The following LRRC4C variants were observed in gnomAD, a reference collection of about 807,000 sequenced individuals.
LRRC4C encodes the protein leucine-rich repeat-containing protein 4C.
In LRRC4C, 5 loss-of-function variants were observed where a neutral mutation model predicts 33.6. The ratio of observed to expected loss-of-function variants is 0.15; its 90% CI spans 0.08 to 0.31. LRRC4C has a LOEUF of 0.31. Ranked by LOEUF, LRRC4C falls within the 10% of genes least tolerant of loss-of-function variation. LRRC4C has a pLI of 1.00. For missense variants in LRRC4C, 560 were observed against 796.7 expected (o/e 0.70, Z 3.58); for synonymous variants, 329 against 302.0 (o/e 1.09, Z -0.93).
chr11:40,229,713 T>G (rs1865066250), intron 5 of LRRC4C, among the ~76,000 whole-genome samples: 1 of 152,226 alleles, frequency 6.6e-6, no homozygotes, highest in African/African-American at 2.4e-5. Flanking sequence ...TTGAAACATT[T>G]TCCTAGATTT....
chr11:41,448,082 T>C (rs1281626967), intron 1 of LRRC4C, among the ~76,000 whole-genome samples: 1 of 144,804 alleles, frequency 6.9e-6, no homozygotes. Context: ...GGTTCTACTG[T>C]ATTTCACCAG....
At chr11:41,350,740 C>T (rs969551384) in intron 1 of LRRC4C, among the ~76,000 whole-genome samples, 1 of 151,944 alleles carries the variant, frequency 6.6e-6, no homozygotes, top group Admixed American at 6.6e-5. Flanking sequence ...CTAAGGAATC[C>T]CATAAAGTCA....
At chr11:40,440,951 C>T (rs1951367139) in intron 3 of LRRC4C, among the ~76,000 whole-genome samples, 1 of 151,626 alleles carries the variant, frequency 6.6e-6, no homozygotes, top group African/African-American at 2.4e-5. Flanking sequence ...TTTTTGACTT[C>T]ATACTCAAGT....
chr11:41,091,277 TA>T (rs1286583846), intron 1 of LRRC4C, among the ~76,000 whole-genome samples: 1 of 152,006 alleles, frequency 6.6e-6, no homozygotes, highest in Admixed American at 6.6e-5. Context: ...TATGTATAAT[TA>T]AAATTGAAAA....
intron 2 of LRRC4C, among the ~76,000 whole-genome samples, chr11:40,867,997 G>A (rs901641842): frequency 2.0e-5 from 3 of 152,118 alleles, no homozygotes; most frequent in Non-Finnish European, 4.4e-5. Flanking sequence ...AGATCCCTGT[G>A]GCTGTTTTTC....
chr11:40,694,068 G>A (rs1374480413), intron 2 of LRRC4C, among the ~76,000 whole-genome samples: 2 of 152,124 alleles, frequency 1.3e-5, no homozygotes, highest in African/African-American at 2.4e-5. Flanking sequence ...AAGCATACTA[G>A]CTCTGTTACC....
At chr11:41,016,018 C>A (rs1166057024) in intron 1 of LRRC4C, among the ~76,000 whole-genome samples, 1 of 151,872 alleles carries the variant, frequency 6.6e-6, no homozygotes. Flanking sequence ...ACAACAACAA[C>A]AAAAAGTATC....
intron 2 of LRRC4C, among the ~76,000 whole-genome samples, chr11:40,663,678 A>C (rs1943567586): frequency 6.6e-6 from 1 of 152,228 alleles, no homozygotes; most frequent in Non-Finnish European, 1.5e-5. Flanking sequence ...AGGCTCTAAC[A>C]GCAGAGGGAA....
chr11:40,512,411 A>G (rs982731060), intron 3 of LRRC4C, among the ~76,000 whole-genome samples: 1 of 152,044 alleles, frequency 6.6e-6, no homozygotes, highest in African/African-American at 2.4e-5. Context: ...AAAAACCAAA[A>G]CCAAAACAAA....
chr11:40,587,035 G>A (rs1206889873), intron 3 of LRRC4C, among the ~76,000 whole-genome samples: 1 of 151,670 alleles, frequency 6.6e-6, no homozygotes, highest in East Asian at 1.9e-4. Context: ...GCTTGATGGG[G>A]ATGGCACTGA....
intron 1 of LRRC4C, among the ~76,000 whole-genome samples, chr11:41,300,721 A>G (rs982735087): frequency 9.2e-5 from 14 of 152,164 alleles, no homozygotes; most frequent in Non-Finnish European, 1.3e-4. Context: ...AAAGCTAACC[A>G]GAACTTAACT....
intron 1 of LRRC4C, among the ~76,000 whole-genome samples, chr11:41,177,130 G>A (rs1013279696): frequency 6.6e-6 from 1 of 152,144 alleles, no homozygotes. Context: ...TAGCCAAAGG[G>A]AACAGCAATG....
intron 3 of LRRC4C, among the ~76,000 whole-genome samples, chr11:40,584,569 G>A (rs1012865677): frequency 5.3e-5 from 8 of 151,992 alleles, no homozygotes; most frequent in Non-Finnish European, 8.8e-5. Flanking sequence ...ATTTGTCATC[G>A]GAGAAGAAAT....
chr11:40,585,394 T>G (rs977113102), intron 3 of LRRC4C, among the ~76,000 whole-genome samples: 12 of 151,912 alleles, frequency 7.9e-5, no homozygotes, highest in Non-Finnish European at 1.5e-4. Flanking sequence ...AGTGAGAAAC[T>G]AAGTAATATT....
At chr11:40,202,626 T>C (rs1862849695) in intron 5 of LRRC4C, among the ~76,000 whole-genome samples, 1 of 152,202 alleles carries the variant, frequency 6.6e-6, no homozygotes, top group Non-Finnish European at 1.5e-5. Flanking sequence ...TCTAGCTCTG[T>C]AAGGATGACA....
chr11:40,245,972 CTTT>C (rs556019520), intron 4 of LRRC4C, among the ~76,000 whole-genome samples: 3 of 132,096 alleles, frequency 2.3e-5, no homozygotes, highest in Non-Finnish European at 4.9e-5. Context: ...AAAGTCCTAA[CTTT>C]TTTTTTTTTT....
chr11:40,390,336 A>T (rs1327435295), intron 3 of LRRC4C, among the ~76,000 whole-genome samples: 1 of 152,216 alleles, frequency 6.6e-6, no homozygotes, highest in Non-Finnish European at 1.5e-5. Flanking sequence ...AATTAACTGA[A>T]TCCAAAATAG....
chr11:41,176,026 A>G (rs1005682591), intron 1 of LRRC4C, among the ~76,000 whole-genome samples: 4 of 151,960 alleles, frequency 2.6e-5, no homozygotes, highest in African/African-American at 4.8e-5. Context: ...CTATAATAGA[A>G]TATTTTTTTT....
chr11:40,428,884 G>T (rs186971440), intron 3 of LRRC4C, among the ~76,000 whole-genome samples: 1 of 152,256 alleles, frequency 6.6e-6, no homozygotes, highest in East Asian at 1.9e-4. Context: ...ACTTAAAAGG[G>T]CTTGAAGTCA....
Sources: gnomAD v4.1 joint callset for allele counts (sites outside exome capture counted in the v4.1 genomes callset) on GRCh38, gnomAD v4.1.1 for gene constraint, MANE v1.5 for transcripts, NCBI Gene and HGNC (gene_info 2026-07-23, HGNC 2026-07-21) for gene names.